The following AIG1 variants were observed in gnomAD, a reference collection of about 807,000 sequenced individuals.
AIG1 encodes the protein androgen-induced gene 1 protein.
A neutral mutation model predicts 31.4 loss-of-function variants in AIG1; 23 were observed. The observed-to-expected ratio is 0.73, with a 90% CI of 0.53 to 1.04. AIG1 has a LOEUF of 1.04. Among genes scored for constraint, AIG1 ranks in the 50% least tolerant of loss-of-function variants. AIG1 has a pLI of 0.00. For missense variants in AIG1, 274 were observed against 295.0 expected, an observed-to-expected ratio of 0.93 and a Z score of 0.52; for synonymous variants, 100 against 110.5, an observed-to-expected ratio of 0.90 and a Z score of 0.60.
intron 1 of AIG1, among the ~76,000 whole-genome samples, chr6:143,074,085 G>A (rs748674324): frequency 7.9e-5 from 12 of 152,040 alleles, no homozygotes; most frequent in Non-Finnish European, 1.3e-4. Flanking sequence ...TTTTTAATTG[G>A]GTCATTTGTT....
At chr6:143,083,282 A>T (rs1225126624) in intron 1 of AIG1, among the ~76,000 whole-genome samples, 1 of 152,230 alleles carries the variant, frequency 6.6e-6, no homozygotes, top group Admixed American at 6.5e-5. Context: ...GTACCAAAGG[A>T]CATGAGTGTC....
chr6:143,273,952 A>G (rs893950671), intron 3 of AIG1, among the ~76,000 whole-genome samples: 1 of 152,190 alleles, frequency 6.6e-6, no homozygotes, highest in Non-Finnish European at 1.5e-5. Flanking sequence ...AGGTAGCACA[A>G]ATCTCAGAAA....
intron 1 of AIG1, among the ~76,000 whole-genome samples, chr6:143,111,633 A>G (rs1781285297): frequency 6.6e-6 from 1 of 152,220 alleles, no homozygotes; most frequent in Non-Finnish European, 1.5e-5. Flanking sequence ...ACAAACACGT[A>G]TATCCAACTA....
chr6:143,151,714 G>C (rs1477596555), intron 2 of AIG1, among the ~76,000 whole-genome samples: 1 of 152,148 alleles, frequency 6.6e-6, no homozygotes, highest in Non-Finnish European at 1.5e-5. Context: ...AAATCAGACA[G>C]ATAAATAATT....
chr6:143,286,592 C>T (rs1797693541), intron 4 of AIG1, among the ~76,000 whole-genome samples: 1 of 152,168 alleles, frequency 6.6e-6, no homozygotes, highest in African/African-American at 2.4e-5. Flanking sequence ...TTAGGGCCGA[C>T]ATACCCGTGA....
intron 1 of AIG1, among the ~76,000 whole-genome samples, chr6:143,127,765 A>G (rs1170618902): frequency 6.6e-6 from 1 of 151,866 alleles, no homozygotes; most frequent in East Asian, 1.9e-4. Flanking sequence ...TTGGCTCACT[A>G]CAGCCTTCAC....
At chr6:143,272,549 C>T (rs1313326408) in intron 3 of AIG1, among the ~76,000 whole-genome samples, 3 of 152,206 alleles carry the variant, frequency 2.0e-5, no homozygotes, top group African/African-American at 7.2e-5. Context: ...AGGACTAGAG[C>T]TTACTGTGGC....
At chr6:143,248,375 T>C (rs1794762373) in intron 3 of AIG1, among the ~76,000 whole-genome samples, 1 of 152,184 alleles carries the variant, frequency 6.6e-6, no homozygotes, top group African/African-American at 2.4e-5. Context: ...GTTTTATGTT[T>C]CAGGAGGCTG....
intron 1 of AIG1, among the ~76,000 whole-genome samples, chr6:143,094,724 A>G (rs924041486): frequency 5.3e-5 from 8 of 151,212 alleles, no homozygotes; most frequent in Non-Finnish European, 1.2e-4. Context: ...TTAGACAAAT[A>G]TTTCCTTGCT....
chr6:143,284,067 C>A lies in AIG1; in HGVS notation c.400-43C>A. ...TGGTGAAAAAACAACTATAGAGAGA[C>A]AATGATAGCAATCTGTGTCACCTAG... On this transcript the variant is annotated intron_variant, in intron 3 of 5. Coordinates refer to ENST00000357847, the MANE Select transcript of AIG1 (RefSeq NM_016108.4). This position sits in a 1 kb window ranked among gnomAD's most constrained non-coding sequence, Gnocchi z 4.4. The A allele has an allele frequency of 1.4e-6, 2 of 1,446,514 alleles. No individual in the cohort carries two copies. Among genetic ancestry groups the A allele is most frequent in the East Asian group, 2.3e-5 (1 of 43,980 alleles). The allele number at this position is 1,446,514 out of a possible 1,614,324, so 89.6% of individuals were successfully genotyped here. A position where few individuals can be genotyped will look rare whatever the true frequency, so the allele number is the denominator to read the frequency against.
chr6:143,131,385 G>C (rs1583275624), intron 1 of AIG1, among the ~76,000 whole-genome samples: 2 of 152,172 alleles, frequency 1.3e-5, no homozygotes, highest in East Asian at 3.8e-4. Flanking sequence ...AATATGATGA[G>C]ATATAATTCC....
chr6:143,097,278 A>G (rs942603869), intron 1 of AIG1, among the ~76,000 whole-genome samples: 4 of 152,082 alleles, frequency 2.6e-5, no homozygotes, highest in African/African-American at 9.7e-5. Flanking sequence ...GCTGTAGCAA[A>G]AAATTTAGAC....
At chr6:143,286,378 A>G (rs755671047) in intron 4 of AIG1, among the ~76,000 whole-genome samples, 9 of 152,184 alleles carry the variant, frequency 5.9e-5, no homozygotes, top group Non-Finnish European at 1.2e-4. Flanking sequence ...TTGTTTGGAC[A>G]TGTATTTACA....
chr6:143,287,788 C>T (rs1400528712), intron 4 of AIG1, among the ~76,000 whole-genome samples: 2 of 146,442 alleles, frequency 1.4e-5, no homozygotes, highest in Non-Finnish European at 1.5e-5. Flanking sequence ...TTTATCAGTC[C>T]TGAGATGCTT....
intron 5 of AIG1, among the ~76,000 whole-genome samples, chr6:143,337,346 G>C (rs1047066671): frequency 6.6e-6 from 1 of 152,126 alleles, no homozygotes; most frequent in African/African-American, 2.4e-5. Context: ...TCTATTTCTG[G>C]CATCTACTGT....
At chr6:143,251,309 C>T (rs1794995786) in intron 3 of AIG1, among the ~76,000 whole-genome samples, 1 of 152,146 alleles carries the variant, frequency 6.6e-6, no homozygotes, top group African/African-American at 2.4e-5. Context: ...GCCTCAGCCT[C>T]CCAAAGTGCT....
At chr6:143,174,353 G>A (rs1787928809) in intron 3 of AIG1, among the ~76,000 whole-genome samples, 4 of 151,988 alleles carry the variant, frequency 2.6e-5, no homozygotes, top group Admixed American at 2.6e-4. Context: ...CAGGCGTGGT[G>A]GCAGGCACCT....
chr6:143,075,694 G>A (rs1383677583), intron 1 of AIG1, among the ~76,000 whole-genome samples: 1 of 152,114 alleles, frequency 6.6e-6, no homozygotes, highest in Non-Finnish European at 1.5e-5. Context: ...TAATGGGGAA[G>A]CTTACATGAT....
chr6:143,073,736 T>C (rs1777494669), intron 1 of AIG1, among the ~76,000 whole-genome samples: 2 of 152,122 alleles, frequency 1.3e-5, no homozygotes, highest in Admixed American at 1.3e-4. Flanking sequence ...AAGTTTACAG[T>C]CATGGCAGAA....
Sources: gnomAD v4.1 joint callset for allele counts (sites outside exome capture counted in the v4.1 genomes callset) on GRCh38, gnomAD v4.1.1 for gene constraint, Gnocchi (gnomAD v3.1) non-coding constraint, MANE v1.5 for transcripts, NCBI Gene and HGNC (gene_info 2026-07-23, HGNC 2026-07-21) for gene names.